Variants in DLGAP2 observed in about 807,000 individuals in gnomAD.
DLGAP2 encodes the protein DLG associated protein 2.
Under a neutral mutation model 100.3 loss-of-function variants are expected in DLGAP2, and 26 were observed. That is an observed-to-expected ratio of 0.26 (90% CI 0.19 to 0.36). DLGAP2 has a LOEUF of 0.36. Ranked by LOEUF, DLGAP2 falls within the 10% of genes least tolerant of loss-of-function variation. The pLI, the probability that DLGAP2 is intolerant of heterozygous loss-of-function variation, is 1.00. For missense variants in DLGAP2, 1,858 were observed against 1,453.2 expected, an observed-to-expected ratio of 1.28 and a Z score of -4.53; for synonymous variants, 886 against 630.1, an observed-to-expected ratio of 1.41 and a Z score of -6.08.
intron 1 of DLGAP2, among the ~76,000 whole-genome samples, chr8:862,451 C>T (rs1322318602): frequency 6.6e-6 from 1 of 152,114 alleles, no homozygotes; most frequent in Admixed American, 6.5e-5. Flanking sequence ...TACAGGCACC[C>T]ACCACCTCGC....
At chr8:1,672,319 C>T (rs1798711633) in intron 10 of DLGAP2, among the ~76,000 whole-genome samples, 1 of 151,734 alleles carries the variant, frequency 6.6e-6, no homozygotes, top group Non-Finnish European at 1.5e-5. Context: ...TCCGCCTCCA[C>T]CTCCTGAGTT....
At chr8:1,361,111 C>T (rs894187222) in intron 3 of DLGAP2, among the ~76,000 whole-genome samples, 20 of 152,306 alleles carry the variant, frequency 1.3e-4, no homozygotes, top group African/African-American at 3.8e-4. Flanking sequence ...ATGGTGCAGA[C>T]GAGCTGAGAT....
chr8:1,490,291 T>C (rs1453073290), intron 3 of DLGAP2, among the ~76,000 whole-genome samples: 1 of 152,218 alleles, frequency 6.6e-6, no homozygotes, highest in Non-Finnish European at 1.5e-5. Flanking sequence ...CTGTGATTGC[T>C]CCTGCCACAT....
intron 2 of DLGAP2, among the ~76,000 whole-genome samples, chr8:912,414 C>G (rs544976164): frequency 6.6e-6 from 1 of 152,156 alleles, no homozygotes; most frequent in South Asian, 2.1e-4. Flanking sequence ...ATCAGGTCCC[C>G]GCAGCAATGT....
intron 1 of DLGAP2, among the ~76,000 whole-genome samples, chr8:805,860 C>T (rs916400501): frequency 3.3e-5 from 5 of 152,196 alleles, no homozygotes; most frequent in Admixed American, 2.0e-4. Flanking sequence ...TCTAATGTCC[C>T]GTACACGTCT....
Position 1,512,967 on chromosome 8 carries a change from C to G in DLGAP2, c.172+11536C>G, listed in dbSNP as rs565265469. On this transcript the variant is annotated intron_variant, in intron 4 of 14. Transcript: ENST00000637795. ...CAGCGGAGAAAGATGGGAGAGGCCA[C>G]AGGCCAGGCCCTGGGAGGATCAGTG... 1.7e-3 allele frequency among the ~76,000 whole-genome samples: 254 copies of G among 152,346 alleles called. 2 individuals are homozygous for G. The highest frequency in any genetic ancestry group is 5.8e-3 in the African/African-American group (239 of 41,564).
intron 3 of DLGAP2, among the ~76,000 whole-genome samples, chr8:1,269,837 G>A (rs1434823486): frequency 6.6e-6 from 1 of 152,130 alleles, no homozygotes; most frequent in African/African-American, 2.4e-5. Flanking sequence ...TGGTGTAATG[G>A]GCGCGCCAGA....
At chr8:972,926 C>A (rs1050246518) in intron 2 of DLGAP2, among the ~76,000 whole-genome samples, 12 of 152,148 alleles carry the variant, frequency 7.9e-5, no homozygotes, top group African/African-American at 2.4e-4. Context: ...CAGAGACCAC[C>A]GTGTTGGGGG....
intron 4 of DLGAP2, among the ~76,000 whole-genome samples, chr8:1,546,653 C>G (rs904461562): frequency 6.6e-6 from 1 of 152,186 alleles, no homozygotes; most frequent in Non-Finnish European, 1.5e-5. Context: ...GGAAAACTCT[C>G]ACTCCCCATC....
intron 3 of DLGAP2, among the ~76,000 whole-genome samples, chr8:1,496,825 A>G (rs1235769824): frequency 1.3e-5 from 2 of 152,190 alleles, no homozygotes; most frequent in African/African-American, 4.8e-5. Flanking sequence ...TGCTGTGCCC[A>G]GAGGTGTGCG....
chr8:1,555,389 G>A (rs866492612), intron 5 of DLGAP2, among the ~76,000 whole-genome samples: 1 of 152,300 alleles, frequency 6.6e-6, no homozygotes, highest in South Asian at 2.1e-4. Flanking sequence ...TCCCTGTCCT[G>A]TGGCCCAGGC....
intron 1 of DLGAP2, among the ~76,000 whole-genome samples, chr8:862,570 G>A (rs867320494): frequency 1.3e-5 from 2 of 152,152 alleles, no homozygotes; most frequent in African/African-American, 4.8e-5. Flanking sequence ...TGGGATTATA[G>A]GGGTGAGCTG....
intron 13 of DLGAP2, among the ~76,000 whole-genome samples, chr8:1,692,856 A>G (rs924070520): frequency 2.7e-5 from 4 of 150,256 alleles, no homozygotes; most frequent in African/African-American, 7.3e-5. Flanking sequence ...ACATATACTT[A>G]CATATATACA....
chr8:1,412,868 A>C (rs1443032324), intron 3 of DLGAP2, among the ~76,000 whole-genome samples: 1 of 137,488 alleles, frequency 7.3e-6, no homozygotes, highest in African/African-American at 2.9e-5. Flanking sequence ...CTGAGATTAC[A>C]GTGCCTCTCG....
chr8:1,372,027 C>G (rs1193929781), intron 3 of DLGAP2, among the ~76,000 whole-genome samples: 1 of 152,228 alleles, frequency 6.6e-6, no homozygotes, highest in East Asian at 1.9e-4. Flanking sequence ...GTGCAGCCTG[C>G]TGTCTGTGCA....
chr8:1,391,407 C>T (rs1796351247), intron 3 of DLGAP2, among the ~76,000 whole-genome samples: 1 of 152,158 alleles, frequency 6.6e-6, no homozygotes, highest in Non-Finnish European at 1.5e-5. Flanking sequence ...CGCGGCTTAT[C>T]CAGGGACACC....
At chr8:1,544,077 AT>A (rs911490076) in intron 4 of DLGAP2, among the ~76,000 whole-genome samples, 5 of 150,370 alleles carry the variant, frequency 3.3e-5, no homozygotes, top group East Asian at 2.0e-4. Flanking sequence ...TAATTTTTGT[AT>A]TTTTTTTTAA....
At chr8:1,202,296 A>ATATG (rs1797896173) in intron 2 of DLGAP2, among the ~76,000 whole-genome samples, 2 of 149,440 alleles carry the variant, frequency 1.3e-5, no homozygotes, top group South Asian at 2.1e-4. Flanking sequence ...TATGTAGTAT[A>ATATG]TGTGTGTGTG....
At chr8:1,297,188 G>C (rs1040240996) in intron 3 of DLGAP2, 13 of 152,256 alleles carry the variant, frequency 8.5e-5, no homozygotes, top group African/African-American at 3.1e-4. Context: ...ACAGCGATGA[G>C]AATGACATGG....
Sources: gnomAD v4.1 joint callset for allele counts (sites outside exome capture counted in the v4.1 genomes callset) on GRCh38, gnomAD v4.1.1 for gene constraint, MANE v1.5 for transcripts, NCBI Gene and HGNC (gene_info 2026-07-23, HGNC 2026-07-21) for gene names.